Variants in GAB2 observed in about 807,000 individuals in gnomAD.
GAB2 encodes the protein GRB2-associated-binding protein 2.
In GAB2, 26 loss-of-function variants were observed where a neutral mutation model predicts 65.5. The ratio of observed to expected loss-of-function variants is 0.40; its 90% CI spans 0.29 to 0.55. GAB2 has a LOEUF of 0.55. Ranked by LOEUF, GAB2 falls within the 20% of genes least tolerant of loss-of-function variation. The pLI is 0.53. For missense variants in GAB2, 884 were observed against 875.8 expected (o/e 1.01, Z -0.12); for synonymous variants, 321 against 329.6 (o/e 0.97, Z 0.28).
intron 2 of GAB2, among the ~76,000 whole-genome samples, chr11:78,268,270 G>T (rs1432476518): frequency 6.6e-6 from 1 of 152,282 alleles, no homozygotes; most frequent in Non-Finnish European, 1.5e-5. Context: ...GAGATAAATC[G>T]TAACAAAGCT....
intron 1 of GAB2, among the ~76,000 whole-genome samples, chr11:78,309,695 C>T (rs1286601735): frequency 1.3e-5 from 2 of 152,066 alleles, no homozygotes; most frequent in Non-Finnish European, 2.9e-5. Flanking sequence ...CTGGTCTCAG[C>T]AGTTCAATCC....
chr11:78,411,317 C>T (rs548568964), intron 1 of GAB2, among the ~76,000 whole-genome samples: 20 of 152,246 alleles, frequency 1.3e-4, no homozygotes, highest in South Asian at 2.1e-4. Flanking sequence ...CTATTAAAAT[C>T]TCAGCAAGAC....
intron 1 of GAB2, among the ~76,000 whole-genome samples, chr11:78,327,949 A>G (rs1855852595): frequency 6.6e-6 from 1 of 152,242 alleles, no homozygotes; most frequent in African/African-American, 2.4e-5. Flanking sequence ...CATTATAATA[A>G]TAAGCTGTGC....
rs1027003310 is a variant in GAB2 at position 78,274,375 on chromosome 11, G to A, written c.376+6226C>T. Among the ~76,000 whole-genome samples, 4 of 152,146 alleles carry A rather than the reference G, an allele frequency of 2.6e-5. No homozygotes were observed. The South Asian group carries it at 6.2e-4, about 24-fold the overall frequency. On this transcript the variant is annotated intron_variant, in intron 2 of 9. Coordinates refer to ENST00000361507, the MANE Select transcript of GAB2 (RefSeq NM_080491.3). ...CACATATGATGAAGCCTCTATAGGA[G>A]CAAACCAGGGACAGGGACACTGGAT... is the stretch of plus-strand genomic sequence containing the variant.
chr11:78,376,255 A>G (rs905086509), intron 1 of GAB2, among the ~76,000 whole-genome samples: 1 of 152,224 alleles, frequency 6.6e-6, no homozygotes, highest in African/African-American at 2.4e-5. Flanking sequence ...AGATTCCCTA[A>G]GCAAAGTCTG....
intron 3 of GAB2, among the ~76,000 whole-genome samples, chr11:78,233,794 G>A (rs886116194): frequency 1.3e-5 from 2 of 152,086 alleles, no homozygotes; most frequent in African/African-American, 4.8e-5. Flanking sequence ...TTTAGCAGAG[G>A]TTTAGCATGG....
chr11:78,386,109 C>A (rs1450948632), intron 1 of GAB2, among the ~76,000 whole-genome samples: 1 of 152,144 alleles, frequency 6.6e-6, no homozygotes, highest in Non-Finnish European at 1.5e-5. Flanking sequence ...GGTAAGAGTA[C>A]CTGGGCCCTC....
intron 1 of GAB2, among the ~76,000 whole-genome samples, chr11:78,394,112 C>T (rs1008523779): frequency 4.2e-5 from 6 of 144,126 alleles, no homozygotes; most frequent in Admixed American, 6.7e-5. Flanking sequence ...CATGGTGAAA[C>T]CCCATGTCTA....
chr11:78,349,327 C>A (rs933613087), intron 1 of GAB2, among the ~76,000 whole-genome samples: 1 of 151,962 alleles, frequency 6.6e-6, no homozygotes, highest in Admixed American at 6.5e-5. Flanking sequence ...AGTGGTATTG[C>A]AAAAAACATT....
At chr11:78,333,300 C>G (rs891452154) in intron 1 of GAB2, among the ~76,000 whole-genome samples, 1 of 152,100 alleles carries the variant, frequency 6.6e-6, no homozygotes, top group Non-Finnish European at 1.5e-5. Context: ...AAGTCTCGCT[C>G]TGTCACTCAG....
intron 3 of GAB2, among the ~76,000 whole-genome samples, chr11:78,245,164 G>T (rs1274515482): frequency 1.3e-5 from 2 of 152,112 alleles, no homozygotes; most frequent in Admixed American, 1.3e-4. Context: ...GAGGGAAGGG[G>T]AAATGGGGAG....
At chr11:78,249,972 A>T (rs1565125756) in intron 3 of GAB2, among the ~76,000 whole-genome samples, 185 bp downstream of exon 3, 1 of 151,978 alleles carries the variant, frequency 6.6e-6, no homozygotes, top group Non-Finnish European at 1.5e-5. Flanking sequence ...ATCACTGTGT[A>T]GCAACACAGA....
chr11:78,340,888 T>C (rs532005863), intron 1 of GAB2, among the ~76,000 whole-genome samples: 4 of 152,280 alleles, frequency 2.6e-5, no homozygotes, highest in African/African-American at 4.8e-5. Context: ...AAATCATCTC[T>C]TTCCTCATCA....
At chr11:78,380,923 T>C (rs1176473444) in intron 1 of GAB2, among the ~76,000 whole-genome samples, 1 of 152,164 alleles carries the variant, frequency 6.6e-6, no homozygotes, top group Non-Finnish European at 1.5e-5. Context: ...ACTGGTCTTG[T>C]ATGGGAAATG....
chr11:78,261,310 G>C (rs1433049196), intron 2 of GAB2, among the ~76,000 whole-genome samples: 2 of 151,978 alleles, frequency 1.3e-5, no homozygotes, highest in Non-Finnish European at 2.9e-5. Flanking sequence ...ACAAAAACCA[G>C]AACCAGAACC....
intron 1 of GAB2, among the ~76,000 whole-genome samples, chr11:78,281,140 A>G (rs1252625035): frequency 6.6e-6 from 1 of 152,084 alleles, no homozygotes; most frequent in Non-Finnish European, 1.5e-5. Flanking sequence ...TTTTTTGTAG[A>G]GACAAGGTCT....
At chr11:78,369,544 T>A (rs1009505740) in intron 1 of GAB2, among the ~76,000 whole-genome samples, 2 of 152,240 alleles carry the variant, frequency 1.3e-5, no homozygotes, top group African/African-American at 4.8e-5. Context: ...GGGCAGATTA[T>A]CTTGCTATTA....
intron 2 of GAB2, among the ~76,000 whole-genome samples, chr11:78,279,475 C>T (rs1315248728): frequency 1.3e-5 from 2 of 152,010 alleles, no homozygotes; most frequent in Non-Finnish European, 2.9e-5. Flanking sequence ...AATTTACACG[C>T]CATAAATTTC....
At chr11:78,237,119 G>C (rs1051365309) in intron 3 of GAB2, among the ~76,000 whole-genome samples, 1 of 152,186 alleles carries the variant, frequency 6.6e-6, no homozygotes, top group African/African-American at 2.4e-5. Flanking sequence ...GGTAAGATTG[G>C]TGTTATCTTT....
Sources: allele counts gnomAD v4.1 joint callset (sites outside exome capture counted in the v4.1 genomes callset), GRCh38; gene constraint gnomAD v4.1.1; transcripts MANE v1.5; gene names NCBI Gene and HGNC (gene_info 2026-07-23, HGNC 2026-07-21).